SLC20A2: variants seen among roughly 807,000 people sequenced by gnomAD.
The protein encoded by SLC20A2 is solute carrier family 20 member 2, also known as sodium-dependent phosphate transporter 2.
In SLC20A2, 30 loss-of-function variants were observed where a neutral mutation model predicts 61.0. The observed-to-expected ratio is 0.49, with a 90% confidence interval of 0.37 to 0.67. SLC20A2 has a LOEUF of 0.67. Among genes scored for constraint, SLC20A2 ranks in the 30% least tolerant of loss-of-function variants. SLC20A2 has a pLI of 0.00. For missense variants in SLC20A2, 626 were observed against 866.4 expected (o/e 0.72, Z 3.48); for synonymous variants, 351 against 353.3 (o/e 0.99, Z 0.07).
intron 4 of SLC20A2, among the ~76,000 whole-genome samples, chr8:42,461,121 G>T (rs529402670): frequency 2.4e-4 from 36 of 152,326 alleles, no homozygotes; most frequent in Non-Finnish European, 2.4e-4. Flanking sequence ...GCGTGATGCA[G>T]CAAGAGCAGG....
chr8:42,468,432 G>C (rs1054375944), intron 2 of SLC20A2, among the ~76,000 whole-genome samples: 1 of 152,150 alleles, frequency 6.6e-6, no homozygotes, highest in Non-Finnish European at 1.5e-5. Flanking sequence ...GAGGAGACAG[G>C]GGACAGCTGA....
chr8:42,481,797 C>G (rs560528617), intron 1 of SLC20A2, among the ~76,000 whole-genome samples: 4 of 152,148 alleles, frequency 2.6e-5, no homozygotes, highest in Non-Finnish European at 5.9e-5. Flanking sequence ...GCGTTTGGTT[C>G]TCTAGCTAAG....
At chr8:42,534,174 G>A (rs1469065454) in intron 1 of SLC20A2, among the ~76,000 whole-genome samples, 1 of 152,024 alleles carries the variant, frequency 6.6e-6, no homozygotes, top group African/African-American at 2.4e-5. Context: ...AGCTACTCGG[G>A]AGCCCAAGGC....
chr8:42,466,630 A>G lies in SLC20A2; in HGVS notation c.290-713T>C, dbSNP rs555111708. 3.3e-5 allele frequency among the ~76,000 whole-genome samples: 5 copies of G among 152,284 alleles called. 1 individual carries two copies. Among genetic ancestry groups the G allele is most frequent in the African/African-American group, 1.2e-4 (5 of 41,560 alleles). On this transcript the variant is annotated intron_variant, in intron 2 of 10. Coordinates refer to ENST00000520262, the MANE Select transcript of SLC20A2 (RefSeq NM_001257180.2). ...AGATATTGGCTAGGTCATATTATCT[A>G]TATAAGAGAGTATAATACCATGTTG...
intron 1 of SLC20A2, among the ~76,000 whole-genome samples, chr8:42,526,411 C>T (rs754546300): frequency 4.0e-5 from 6 of 151,710 alleles, no homozygotes; most frequent in East Asian, 1.9e-4. Flanking sequence ...TGGTGGCTCA[C>T]GCCTGTAATC....
At chr8:42,438,075 A>C (rs7831818) in intron 7 of SLC20A2, among the ~76,000 whole-genome samples, 5,382 of 144,414 alleles carry the variant, frequency 0.037, 487 homozygotes, top group African/African-American at 0.13. Flanking sequence ...AAAAAAAAAA[A>C]AAAAAAAAAA....
chr8:42,436,864 G>A (rs1406384498), intron 8 of SLC20A2, 125 bp downstream of exon 8: 4 of 830,176 alleles, frequency 4.8e-6, no homozygotes, highest in Non-Finnish European at 7.5e-6. Context: ...CACCGCCTGC[G>A]CACCCCTATC....
chr8:42,435,796 G>A (rs940542645), intron 8 of SLC20A2, among the ~76,000 whole-genome samples: 12 of 152,150 alleles, frequency 7.9e-5, no homozygotes, highest in South Asian at 4.1e-4. Context: ...CGAGTGGGAC[G>A]GAGCCTTCTC....
intron 1 of SLC20A2, among the ~76,000 whole-genome samples, chr8:42,526,754 A>G (rs564687294): frequency 6.6e-6 from 1 of 152,034 alleles, no homozygotes; most frequent in African/African-American, 2.4e-5. Flanking sequence ...ATAATAATGT[A>G]TTGATATTGG....
At chr8:42,463,559 C>A (rs545509847) in intron 3 of SLC20A2, among the ~76,000 whole-genome samples, 3 of 152,330 alleles carry the variant, frequency 2.0e-5, no homozygotes, top group Admixed American at 1.3e-4. Context: ...AAACTTTTAG[C>A]CTCTAGCCAA....
intron 1 of SLC20A2, among the ~76,000 whole-genome samples, chr8:42,540,566 CGTAAA>C (rs1047617473): frequency 1.6e-4 from 25 of 152,038 alleles, no homozygotes; most frequent in Non-Finnish European, 8.8e-5. Flanking sequence ...TATGTTATTG[CGTAAA>C]GTAATGGTCT....
intron 9 of SLC20A2, 63 bp from the exon 10 acceptor site, chr8:42,428,905 G>T: frequency 7.5e-7 from 1 of 1,339,470 alleles, no homozygotes; most frequent in Non-Finnish European, 1.0e-6. Context: ...GACACCCCGT[G>T]GGTGCTAGAG....
chr8:42,451,796 G>A (rs1469223314), intron 5 of SLC20A2, among the ~76,000 whole-genome samples: 10 of 136,378 alleles, frequency 7.3e-5, no homozygotes, highest in African/African-American at 1.7e-4. Context: ...ATGAAGAGGA[G>A]GAGGAAGAGA....
At chr8:42,528,334 C>T (rs1812109313) in intron 1 of SLC20A2, among the ~76,000 whole-genome samples, 2 of 151,896 alleles carry the variant, frequency 1.3e-5, no homozygotes, top group Admixed American at 1.3e-4. Context: ...TAGTGGTGGG[C>T]ACCTTTAGTC....
At chr8:42,518,448 G>C (rs990223362) in intron 1 of SLC20A2, among the ~76,000 whole-genome samples, 1 of 152,100 alleles carries the variant, frequency 6.6e-6, no homozygotes, top group African/African-American at 2.4e-5. Flanking sequence ...TATTGAGGAG[G>C]AAAATCCGGC....
In SLC20A2 at chr8:42,520,933, C is replaced by T. The variant is rs1301471671; in HGVS notation, c.-265+20888G>A. ...ATAAGACAGGGTTCTATATGTTGGA[C>T]TCAGCTGCAAATTATACAGAAAGAT... On this transcript the variant is annotated intron_variant, in intron 1 of 10. Transcript: ENST00000342228. Among the ~76,000 whole-genome samples, 2 of 120,804 alleles carry T rather than the reference C, an allele frequency of 1.7e-5. 1 individual carries two copies. Among genetic ancestry groups the T allele is most frequent in the Non-Finnish European group, 4.0e-5 (2 of 50,366 alleles). 79.3% of individuals were successfully genotyped at this position (120,804 alleles called of 152,430 possible). A position where few individuals can be genotyped will look rare whatever the true frequency, so the allele number is the denominator to read the frequency against.
chr8:42,506,654 T>C (rs745764311), intron 1 of SLC20A2, among the ~76,000 whole-genome samples: 3 of 152,234 alleles, frequency 2.0e-5, no homozygotes, highest in Non-Finnish European at 4.4e-5. Flanking sequence ...TAAACTCCTT[T>C]GGAAAACTCT....
At chr8:42,501,965 C>T (rs969384318), upstream of SLC20A2, among the ~76,000 whole-genome samples, 1 of 152,140 alleles carries the variant, frequency 6.6e-6, no homozygotes, top group African/African-American at 2.4e-5. Context: ...AACTTTCTCT[C>T]GAAAATATAA....
intron 1 of SLC20A2, among the ~76,000 whole-genome samples, chr8:42,479,430 T>G (rs1210736374): frequency 6.6e-6 from 1 of 152,066 alleles, no homozygotes; most frequent in Admixed American, 6.6e-5. Context: ...GTAACTGTTA[T>G]GTTATCTGTG....
Sources: allele counts gnomAD v4.1 joint callset (sites outside exome capture counted in the v4.1 genomes callset), GRCh38; gene constraint gnomAD v4.1.1; transcripts MANE v1.5; gene names NCBI Gene and HGNC (gene_info 2026-07-23, HGNC 2026-07-21).